The following ZYG11A variants were observed in gnomAD, a reference collection of about 807,000 sequenced individuals.
ZYG11A encodes protein zyg-11 homolog A.
In ZYG11A, 62 loss-of-function variants were observed where a neutral mutation model predicts 77.2. The observed-to-expected ratio is 0.80, with a 90% confidence interval of 0.65 to 0.99. ZYG11A has a LOEUF of 0.99. ZYG11A is among the 50% of genes least tolerant of loss of function. The pLI, the probability that ZYG11A is intolerant of heterozygous loss-of-function variation, is 0.00. For missense variants in ZYG11A, 828 were observed against 896.8 expected (o/e 0.92, Z 0.98); for synonymous variants, 315 against 324.6 (o/e 0.97, Z 0.32).
chr1:52,848,363 C>G (rs1571830051), intron 1 of ZYG11A, among the ~76,000 whole-genome samples: 1 of 152,094 alleles, frequency 6.6e-6, no homozygotes, highest in Non-Finnish European at 1.5e-5. Context: ...GTGTCCACTC[C>G]CCCGTCATAA....
chr1:52,843,167 G>C (rs545870996), intron 1 of ZYG11A, among the ~76,000 whole-genome samples, 194 bp downstream of exon 1: 1 of 151,656 alleles, frequency 6.6e-6, no homozygotes, highest in South Asian at 2.1e-4. Context: ...AGGCGGCCTG[G>C]GCGCCGCGGA....
chr1:52,870,250 C>T (rs1298991636), intron 8 of ZYG11A, among the ~76,000 whole-genome samples: 1 of 145,702 alleles, frequency 6.9e-6, no homozygotes, highest in Admixed American at 6.8e-5. Context: ...AGACGCTCCT[C>T]ACTTTCCAGA....
intron 8 of ZYG11A, among the ~76,000 whole-genome samples, chr1:52,876,889 A>G (rs1054031064): frequency 6.6e-6 from 1 of 152,226 alleles, no homozygotes; most frequent in Non-Finnish European, 1.5e-5. Flanking sequence ...TTTTCCTCTC[A>G]CATGACAGTC....
At chr1:52,864,352 TCTC>T (rs771315399) in intron 5 of ZYG11A, among the ~76,000 whole-genome samples, 195 bp downstream of exon 5, 21 of 152,140 alleles carry the variant, frequency 1.4e-4, no homozygotes, top group Non-Finnish European at 2.4e-4. Flanking sequence ...TTCAAGCAAT[TCTC>T]CTGCTTCAGC....
chr1:52,878,739 G>A (rs1449526100), intron 10 of ZYG11A, among the ~76,000 whole-genome samples: 1 of 151,998 alleles, frequency 6.6e-6, no homozygotes, highest in African/African-American at 2.4e-5. Flanking sequence ...AGAAGTTCAA[G>A]ACCAACCTGG....
chr1:52,862,290 A>G (rs941022741), intron 4 of ZYG11A, among the ~76,000 whole-genome samples: 2 of 150,490 alleles, frequency 1.3e-5, no homozygotes. Flanking sequence ...TTGGAGGACT[A>G]CGTGAGCCCA....
intron 11 of ZYG11A, among the ~76,000 whole-genome samples, chr1:52,883,507 A>C (rs987682332): frequency 1.3e-5 from 2 of 150,386 alleles, no homozygotes; most frequent in African/African-American, 4.9e-5. Flanking sequence ...AGCTCATTGC[A>C]TCCTCCACCT....
At position 52,894,750 on chromosome 1, in the gene ZYG11A, A is replaced by G. The variant is rs1008251458; in HGVS notation, c.*1793A>G. The G allele has an allele frequency of 1.4e-4, 21 of 152,222 alleles. No individual in the cohort carries two copies. The highest frequency in any genetic ancestry group is 4.8e-4 in the African/African-American group (20 of 41,446). The allele number at this position is 152,222 out of a possible 1,614,324, so 9.4% of individuals were successfully genotyped here. On this transcript the variant is annotated 3_prime_UTR_variant, in exon 14 of 14. Transcript: ENST00000371528. ...AGAATTTGTAACCTTACTTCCTTCC[A>G]TAGTCCTTAAACTGTACTGTATTTT...
intron 8 of ZYG11A, among the ~76,000 whole-genome samples, chr1:52,868,938 C>T (rs956743153): frequency 1.3e-5 from 2 of 151,890 alleles, no homozygotes; most frequent in Non-Finnish European, 2.9e-5. Context: ...TGGGTTCAAG[C>T]GGTTATCCTG....
chr1:52,882,620 T>C (rs2150019061), intron 11 of ZYG11A, among the ~76,000 whole-genome samples: 1 of 152,354 alleles, frequency 6.6e-6, no homozygotes, highest in East Asian at 1.9e-4. Context: ...GCCTTTATTT[T>C]ACCCTCACAT....
chr1:52,852,384 T>C (rs1422786477), intron 1 of ZYG11A, among the ~76,000 whole-genome samples: 1 of 151,354 alleles, frequency 6.6e-6, no homozygotes, highest in Admixed American at 6.6e-5. Context: ...TTTTTTTTTT[T>C]TTTGAGGTAG....
At chr1:52,878,803 G>T (rs1353203730) in intron 10 of ZYG11A, among the ~76,000 whole-genome samples, 1 of 151,924 alleles carries the variant, frequency 6.6e-6, no homozygotes, top group African/African-American at 2.4e-5. Context: ...GCTGGGCATG[G>T]TAGCACATGC....
chr1:52,891,360 T>C (rs1490932831), intron 13 of ZYG11A, among the ~76,000 whole-genome samples: 2 of 151,938 alleles, frequency 1.3e-5, no homozygotes, highest in African/African-American at 4.9e-5. Context: ...GTGTGTTATG[T>C]TGAGTGGGGG....
In ZYG11A at chr1:52,857,640, A is replaced by T. The variant is rs1277721864; in HGVS notation, c.899A>T (p.Asp300Val). Residue 300 changes from aspartate to valine, a missense_variant, in exon 3 of 14, where the codon GAT becomes GTT. Asp to Val is a radical substitution (Grantham distance 152, BLOSUM62 -3). Coordinates refer to ENST00000371528, the MANE Select transcript of ZYG11A (RefSeq NM_001004339.3). ...LDISGGNCIT[D>V]EAVELFIRLR... ...ATTTCTGGGGGCAATTGCATCACTG[A>T]TGAAGCTGTAGAACTGTTTATACGA... 5.5e-5 allele frequency: 86 copies of T among 1,552,000 alleles called. No homozygotes were observed. The highest frequency in any genetic ancestry group is 7.2e-5 in the Non-Finnish European group (83 of 1,147,084).
At chr1:52,877,346 A>G (rs977528145) in intron 8 of ZYG11A, among the ~76,000 whole-genome samples, 1 of 152,004 alleles carries the variant, frequency 6.6e-6, no homozygotes, top group African/African-American at 2.4e-5. Flanking sequence ...TCTGCCTTCT[A>G]CCCTTTTTTC....
intron 11 of ZYG11A, among the ~76,000 whole-genome samples, chr1:52,882,490 G>A (rs1430675176): frequency 6.6e-6 from 1 of 152,068 alleles, no homozygotes; most frequent in Admixed American, 6.6e-5. Context: ...GTTGGATTCC[G>A]TGTTTCCTGG....
At chr1:52,854,070 C>T (rs947796910) in intron 1 of ZYG11A, among the ~76,000 whole-genome samples, 5 of 151,914 alleles carry the variant, frequency 3.3e-5, no homozygotes, top group Admixed American at 3.3e-4. Flanking sequence ...ATTATGTAAA[C>T]AATACAGTAT....
In ZYG11A at chr1:52,881,659, A is replaced by G. The variant is rs778596614; in HGVS notation, c.1938A>G (p.Gln646=). 15 of 1,550,186 alleles carry G rather than the reference A, an allele frequency of 9.7e-6. No homozygotes were observed. In the East Asian group the frequency reaches 2.0e-4, roughly 20 times the overall value. The part of the protein sequence containing the change: ...SRDFQRRTLL[Q]DLHATIQNWP... ...ACTTCCAGAGGCGTACTCTTCTCCA[A>G]GATCTGGTACAGGAACCACATTCTT... Residue 646 remains glutamine (Q), a synonymous_variant, in exon 11 of 14, where the codon CAA becomes CAG. Coordinates refer to ENST00000371528, the MANE Select transcript of ZYG11A (RefSeq NM_001004339.3).
chr1:52,881,360 A>AT (rs1410552925), intron 10 of ZYG11A, 111 bp from the exon 11 acceptor site: 1 of 736,752 alleles, frequency 1.4e-6, no homozygotes, highest in Non-Finnish European at 2.2e-6. Context: ...GGGTATAAGA[A>AT]TAAGAGTTCT....
Sources: allele counts gnomAD v4.1 joint callset (sites outside exome capture counted in the v4.1 genomes callset), GRCh38; gene constraint gnomAD v4.1.1; transcripts MANE v1.5; gene names NCBI Gene and HGNC (gene_info 2026-07-23, HGNC 2026-07-21).